Variants in ARHGAP35 observed in about 807,000 individuals in gnomAD.
ARHGAP35 encodes the protein rho GTPase-activating protein 35.
Under a neutral mutation model 111.1 loss-of-function variants are expected in ARHGAP35, and 15 were observed. That is an observed-to-expected ratio of 0.13 (90% CI 0.09 to 0.21). The LOEUF is 0.21. ARHGAP35 is among the 10% of genes least tolerant of loss of function. The pLI is 1.00. For synonymous variants in ARHGAP35, 643 were observed against 710.3 expected, an observed-to-expected ratio of 0.91 and a Z score of 1.51; for missense variants, 1,262 against 1,873.0, an observed-to-expected ratio of 0.67 and a Z score of 6.02.
chr19:46,868,374 A>G (rs1296484851), intron 1 of ARHGAP35, among the ~76,000 whole-genome samples: 1 of 148,850 alleles, frequency 6.7e-6, no homozygotes, highest in East Asian at 1.9e-4. Flanking sequence ...ATTGTAAACA[A>G]TTAACTATAT....
intron 3 of ARHGAP35, among the ~76,000 whole-genome samples, chr19:46,968,961 C>T (rs1386916656): frequency 6.6e-6 from 1 of 152,094 alleles, no homozygotes; most frequent in Admixed American, 6.6e-5. Flanking sequence ...GTGGTGTGTG[C>T]CTGTAATCCC....
chr19:46,971,278 C>T (rs757412511), intron 3 of ARHGAP35, among the ~76,000 whole-genome samples: 2 of 151,438 alleles, frequency 1.3e-5, no homozygotes, highest in African/African-American at 4.8e-5. Context: ...TGGTGGCGTG[C>T]GTCTGTAGTC....
At chr19:46,881,954 A>G (rs1289268712) in intron 1 of ARHGAP35, among the ~76,000 whole-genome samples, 1 of 152,098 alleles carries the variant, frequency 6.6e-6, no homozygotes, top group Non-Finnish European at 1.5e-5. Flanking sequence ...GGAGGTGGCT[A>G]CTTTCCTTAA....
chr19:46,861,530 G>C (rs911651966), intron 1 of ARHGAP35, among the ~76,000 whole-genome samples: 1 of 119,034 alleles, frequency 8.4e-6, no homozygotes, highest in Non-Finnish European at 1.6e-5. Flanking sequence ...TCAGCCAACC[G>C]GTTCCCAATT....
At chr19:46,934,529 G>A (rs10416485) in intron 2 of ARHGAP35, among the ~76,000 whole-genome samples, 3,022 of 151,798 alleles carry the variant, frequency 0.02, 107 homozygotes, top group African/African-American at 0.068. Context: ...CATCATGCCC[G>A]GCTAATTTTT....
chr19:46,984,724 G>C (rs1363648385), intron 3 of ARHGAP35, among the ~76,000 whole-genome samples: 1 of 152,176 alleles, frequency 6.6e-6, no homozygotes. Context: ...TTGATGCTCT[G>C]GTACGGCCTC....
At chr19:46,898,672 G>T (rs539357289) in intron 1 of ARHGAP35, among the ~76,000 whole-genome samples, 2 of 152,320 alleles carry the variant, frequency 1.3e-5, no homozygotes, top group East Asian at 3.9e-4. Context: ...TATTACAAAG[G>T]TGCTGGAAAG....
At chr19:46,941,063 TC>T (rs964373244) in intron 3 of ARHGAP35, among the ~76,000 whole-genome samples, 27 of 152,062 alleles carry the variant, frequency 1.8e-4, no homozygotes, top group African/African-American at 6.3e-4. Context: ...TTTTTTTCCC[TC>T]TCCCACTCCC....
intron 1 of ARHGAP35, among the ~76,000 whole-genome samples, chr19:46,898,355 T>C (rs532485698): frequency 7.2e-5 from 11 of 152,208 alleles, no homozygotes; most frequent in African/African-American, 2.6e-4. Flanking sequence ...AATATACTTA[T>C]TGACTTTCCT....
intron 3 of ARHGAP35, among the ~76,000 whole-genome samples, chr19:46,954,788 A>C (rs1019907998): frequency 6.6e-6 from 1 of 152,266 alleles, no homozygotes; most frequent in Admixed American, 6.5e-5. Context: ...TTTCTAGTAC[A>C]TAGTCCAAAG....
chr19:46,947,975 C>G lies in ARHGAP35; in HGVS notation c.3826+10567C>G, dbSNP rs1040148233. On this transcript the variant is annotated intron_variant, in intron 3 of 6. Transcript: ENST00000672722. ...AGGTCGTGCAGCTTCCATGCCCTCC[C>G]TGGGCACCAGGAACCTCCAGTGTTC... is the stretch of plus-strand genomic sequence containing the variant. 3.9e-5 allele frequency: 6 copies of G among 152,392 alleles called. No individual in the cohort carries two copies. The East Asian group carries it at 1.2e-3, about 29-fold the overall frequency. 9.4% of individuals were successfully genotyped at this position (152,392 alleles called of 1,614,324 possible).
At chr19:46,906,633 A>G (rs2056109582) in intron 1 of ARHGAP35, among the ~76,000 whole-genome samples, 1 of 152,164 alleles carries the variant, frequency 6.6e-6, no homozygotes, top group South Asian at 2.1e-4. Flanking sequence ...TGTATTTAGT[A>G]TTTTCCTTGG....
chr19:46,917,376 G>A (rs1221654002), intron 1 of ARHGAP35, among the ~76,000 whole-genome samples: 2 of 152,214 alleles, frequency 1.3e-5, no homozygotes, highest in African/African-American at 4.8e-5. Context: ...AAGAGGCCAA[G>A]GCAGGCAGAT....
chr19:46,897,089 A>G (rs111709704), intron 1 of ARHGAP35, among the ~76,000 whole-genome samples: 450 of 145,200 alleles, frequency 3.1e-3, no homozygotes, highest in African/African-American at 0.011. Context: ...TGGTAGAGAT[A>G]GGGTTTTGCC....
intron 3 of ARHGAP35, among the ~76,000 whole-genome samples, chr19:46,985,751 C>T (rs1324831882): frequency 6.6e-6 from 1 of 152,082 alleles, no homozygotes; most frequent in Non-Finnish European, 1.5e-5. Flanking sequence ...TGTAACTAGG[C>T]GTTGCTTGGT....
At chr19:46,888,317 T>TATAA (rs1568461153) in intron 1 of ARHGAP35, among the ~76,000 whole-genome samples, 3 of 53,316 alleles carry the variant, frequency 5.6e-5, no homozygotes, top group Non-Finnish European at 1.1e-4. Context: ...TATATATATA[T>TATAA]AAAATATTGA....
intron 5 of ARHGAP35, among the ~76,000 whole-genome samples, chr19:46,998,882 C>T (rs2056730417): frequency 6.6e-6 from 1 of 152,248 alleles, no homozygotes; most frequent in African/African-American, 2.4e-5. Context: ...TGACTCCCTC[C>T]CTCGAAGGCC....
intron 3 of ARHGAP35, among the ~76,000 whole-genome samples, chr19:46,944,809 G>GTA (rs2056369090): frequency 6.6e-6 from 1 of 152,164 alleles, no homozygotes; most frequent in African/African-American, 2.4e-5. Flanking sequence ...CAAGCAGGGC[G>GTA]CTGTGTTGAG....
intron 1 of ARHGAP35, among the ~76,000 whole-genome samples, chr19:46,912,805 C>A (rs934516111): frequency 1.3e-5 from 2 of 151,998 alleles, no homozygotes; most frequent in East Asian, 1.9e-4. Flanking sequence ...CTCCCACCCC[C>A]CAACTGAGTC....
Sources: allele counts gnomAD v4.1 joint callset (sites outside exome capture counted in the v4.1 genomes callset), GRCh38; gene constraint gnomAD v4.1.1; transcripts MANE v1.5; gene names NCBI Gene and HGNC (gene_info 2026-07-23, HGNC 2026-07-21).